Variants in ASPH observed in about 807,000 individuals in gnomAD.
ASPH encodes the protein aspartate beta-hydroxylase.
In ASPH, 100 loss-of-function variants were observed where a neutral mutation model predicts 118.4. The ratio of observed to expected loss-of-function variants is 0.84; its 90% CI spans 0.72 to 1.00. The LOEUF is 1.00. ASPH is among the 50% of genes least tolerant of loss of function. ASPH has a pLI of 0.00. For missense variants in ASPH, 920 were observed against 919.5 expected (o/e 1.00, Z -0.01); for synonymous variants, 315 against 325.6 (o/e 0.97, Z 0.35).
intron 10 of ASPH, among the ~76,000 whole-genome samples, chr8:61,640,960 CACCCTACT>C (rs1199485909): frequency 1.3e-5 from 2 of 152,198 alleles, no homozygotes; most frequent in Non-Finnish European, 2.9e-5. Flanking sequence ...GTTTTGTTTT[CACCCTACT>C]TACAGCTTCA....
intron 22 of ASPH, among the ~76,000 whole-genome samples, chr8:61,524,812 T>C (rs553433489): frequency 2.6e-5 from 4 of 152,244 alleles, no homozygotes; most frequent in Admixed American, 1.3e-4. Flanking sequence ...ATGCCTGCTA[T>C]TCTGAAGCAT....
intron 21 of ASPH, among the ~76,000 whole-genome samples, chr8:61,537,773 A>T (rs1820193080): frequency 6.6e-6 from 1 of 152,192 alleles, no homozygotes; most frequent in Non-Finnish European, 1.5e-5. Flanking sequence ...TGAAATATCA[A>T]ACGTTGTGCT....
chr8:61,534,010 C>T (rs554530620), intron 21 of ASPH, among the ~76,000 whole-genome samples: 13 of 152,282 alleles, frequency 8.5e-5, no homozygotes, highest in East Asian at 1.9e-4. Context: ...TACAATGGCG[C>T]GATCTCGGCT....
chr8:61,637,620 C>G (rs1485829701), intron 12 of ASPH, among the ~76,000 whole-genome samples: 1 of 152,158 alleles, frequency 6.6e-6, no homozygotes, highest in Non-Finnish European at 1.5e-5. Context: ...ATAGCTATGC[C>G]CTTCTCACCA....
chr8:61,616,454 C>T (rs1849071765), intron 14 of ASPH, among the ~76,000 whole-genome samples: 1 of 152,184 alleles, frequency 6.6e-6, no homozygotes, highest in East Asian at 1.9e-4. Flanking sequence ...CTCCCTGTCC[C>T]TCTCTTTGTA....
intron 3 of ASPH, chr8:61,668,212 T>A: frequency 6.3e-7 from 1 of 1,592,476 alleles, no homozygotes; most frequent in East Asian, 2.2e-5. Context: ...CACTCAAGGC[T>A]AATTTGAAAA....
At chr8:61,552,907 T>A (rs2131108751) in intron 20 of ASPH, 124 bp downstream of exon 20, 1 of 775,368 alleles carries the variant, frequency 1.3e-6, no homozygotes, top group Non-Finnish European at 2.1e-6. Context: ...AACTAAATAG[T>A]TTATATCACT....
chr8:61,595,927 G>A (rs1233435360), intron 14 of ASPH, among the ~76,000 whole-genome samples: 1 of 152,118 alleles, frequency 6.6e-6, no homozygotes, highest in East Asian at 1.9e-4. Flanking sequence ...ATGCTGTCTG[G>A]GGATCTGAAG....
At chr8:61,578,767 T>C in intron 15 of ASPH, 1 of 1,587,632 alleles carries the variant, frequency 6.3e-7, no homozygotes, top group South Asian at 1.1e-5. Context: ...GAGGATGAGA[T>C]CAATAAGCAT....
At chr8:61,653,265 G>A (rs1812014869) in intron 4 of ASPH, among the ~76,000 whole-genome samples, 1 of 152,092 alleles carries the variant, frequency 6.6e-6, no homozygotes, top group Non-Finnish European at 1.5e-5. Context: ...TTACTTTCAA[G>A]GTAATATAGT....
intron 21 of ASPH, among the ~76,000 whole-genome samples, chr8:61,542,379 A>G (rs1034226192): frequency 6.6e-6 from 1 of 151,752 alleles, no homozygotes; most frequent in Admixed American, 6.6e-5. Context: ...ATTTTACCCT[A>G]CTTTTTTGAG....
At chr8:61,532,053 T>C (rs959725786) in intron 21 of ASPH, among the ~76,000 whole-genome samples, 3 of 152,220 alleles carry the variant, frequency 2.0e-5, no homozygotes, top group Admixed American at 1.3e-4. Context: ...AGATATATAA[T>C]TAGAGTAGGA....
At chr8:61,596,472 T>C (rs1379545687) in intron 14 of ASPH, among the ~76,000 whole-genome samples, 1 of 152,238 alleles carries the variant, frequency 6.6e-6, no homozygotes, top group Non-Finnish European at 1.5e-5. Flanking sequence ...TCTGCTCTCC[T>C]GGACCCACTA....
chr8:61,539,544 T>G (rs961822056), intron 21 of ASPH, among the ~76,000 whole-genome samples: 5 of 152,104 alleles, frequency 3.3e-5, no homozygotes, highest in African/African-American at 1.2e-4. Context: ...TTCTCCCCAC[T>G]CCTGAGACCT....
chr8:61,555,878 C>T lies in ASPH; in HGVS notation c.1536+46G>A, dbSNP rs537750844. ...AATAAGCAAGTGTGTCCCAATAACT[C>T]GAAGGACTTGAAAGATGAAAGGAGA... On this transcript the variant is annotated intron_variant, in intron 19 of 24. Coordinates refer to ENST00000379454, the MANE Select transcript of ASPH (RefSeq NM_004318.4). 61 of 1,540,644 alleles carry T rather than the reference C, an allele frequency of 4.0e-5. No individual in the cohort carries two copies. In the East Asian group the frequency reaches 7.9e-4, roughly 20 times the overall value.
chr8:61,555,186 C>T (rs1827422320), intron 19 of ASPH, among the ~76,000 whole-genome samples: 1 of 152,090 alleles, frequency 6.6e-6, no homozygotes, highest in Non-Finnish European at 1.5e-5. Flanking sequence ...GTTAAGAGTA[C>T]TATTCTGAGT....
chr8:61,607,445 A>C (rs1845921537), intron 14 of ASPH: 8 of 577,666 alleles, frequency 1.4e-5, no homozygotes, highest in Non-Finnish European at 2.5e-5. Flanking sequence ...TACCATGACC[A>C]ACTCAACAAA....
chr8:61,657,151 A>C (rs886070921), intron 3 of ASPH: 28 of 152,334 alleles, frequency 1.8e-4, no homozygotes, highest in African/African-American at 6.7e-4. Flanking sequence ...GGGGGTGGGG[A>C]CTATTCATAA....
At chr8:61,507,105 A>G (rs1165442493) in intron 24 of ASPH, among the ~76,000 whole-genome samples, 2 of 152,166 alleles carry the variant, frequency 1.3e-5, no homozygotes, top group Non-Finnish European at 2.9e-5. Context: ...GTTTTCTGGG[A>G]AAAAGGCCTT....
Sources: allele counts gnomAD v4.1 joint callset (sites outside exome capture counted in the v4.1 genomes callset), GRCh38; gene constraint gnomAD v4.1.1; transcripts MANE v1.5; gene names NCBI Gene and HGNC (gene_info 2026-07-23, HGNC 2026-07-21).